Variants in HMCN1 observed in about 807,000 individuals in gnomAD.
The protein encoded by HMCN1 is hemicentin 1.
A neutral mutation model predicts 625.9 loss-of-function variants in HMCN1; 321 were observed. That is an observed-to-expected ratio of 0.51 (90% CI 0.47 to 0.56). HMCN1 has a LOEUF of 0.56. HMCN1 is among the 20% of genes least tolerant of loss of function. The probability of loss-of-function intolerance (pLI) is 0.00; values close to 1 mark genes in which losing one functional copy is unlikely to be tolerated. For synonymous variants in HMCN1, 2,425 were observed against 2,417.6 expected, an observed-to-expected ratio of 1.00 and a Z score of -0.09; for missense variants, 6,588 against 6,887.3, an observed-to-expected ratio of 0.96 and a Z score of 1.54.
At chr1:186,173,191 A>C (rs1652339709) in intron 102 of HMCN1, among the ~76,000 whole-genome samples, 1 of 152,180 alleles carries the variant, frequency 6.6e-6, no homozygotes, top group Non-Finnish European at 1.5e-5. Context: ...TATTAATAAA[A>C]TTATTGTATC....
At position 186,182,102 on chromosome 1, in the gene HMCN1, T is replaced by C. The variant is rs907407541; in HGVS notation, c.16295-66T>C. 5.8e-5 allele frequency: 91 copies of C among 1,582,288 alleles called. No individual in the cohort carries two copies. The African/African-American group carries it at 8.5e-4, about 15-fold the overall frequency. On this transcript the variant is annotated intron_variant, in intron 104 of 106. Coordinates refer to ENST00000271588, the MANE Select transcript of HMCN1 (RefSeq NM_031935.3). ...ATGTATATCAACAACTTGATGAGAG[T>C]TGGCTCTGTCACAGTGTCTGCTTTT...
At chr1:185,801,690 G>T (rs923055242) in intron 1 of HMCN1, among the ~76,000 whole-genome samples, 2 of 152,186 alleles carry the variant, frequency 1.3e-5, no homozygotes, top group Non-Finnish European at 2.9e-5. Flanking sequence ...CAGTTCATAA[G>T]AGGAAAGGTA....
intron 81 of HMCN1, 90 bp from the exon 82 acceptor site, chr1:186,125,514 A>C: frequency 1.0e-6 from 1 of 995,512 alleles, no homozygotes; most frequent in Non-Finnish European, 1.6e-6. Flanking sequence ...AATTACCCTG[A>C]AAAGAGTTTT....
At chr1:185,939,335 A>G (rs1667971889) in intron 11 of HMCN1, among the ~76,000 whole-genome samples, 1 of 152,220 alleles carries the variant, frequency 6.6e-6, no homozygotes. Context: ...GACACAGGAA[A>G]TTCCCCAGGA....
At chr1:185,981,201 C>T (rs946119284) in intron 17 of HMCN1, 128 bp downstream of exon 17, 1 of 681,654 alleles carries the variant, frequency 1.5e-6, no homozygotes, top group South Asian at 1.5e-5. Context: ...GACCAGCCTT[C>T]CCTTCCCTGC....
At chr1:186,054,094 G>A in intron 44 of HMCN1, 108 bp downstream of exon 44, 1 of 1,074,550 alleles carries the variant, frequency 9.3e-7, no homozygotes, top group Non-Finnish European at 1.4e-6. Flanking sequence ...TGGTATGGTT[G>A]TAACTATCAT....
intron 1 of HMCN1, among the ~76,000 whole-genome samples, chr1:185,755,002 A>T (rs1439504956): frequency 6.6e-6 from 1 of 152,210 alleles, no homozygotes; most frequent in Non-Finnish European, 1.5e-5. Flanking sequence ...AAATGTGGAT[A>T]ATTATAGTAC....
chr1:186,050,857 C>T lies in HMCN1; in HGVS notation c.6577+2018C>T, dbSNP rs183100577. On this transcript the variant is annotated intron_variant, in intron 42 of 106. Transcript: ENST00000271588. ...GTGAGAAAGACAATGATGTTGTTCT[C>T]ACGGAACTTATAGTTGGCTGGTGGA... Among the ~76,000 whole-genome samples the T allele has an allele frequency of 1.9e-3, 296 of 152,178 alleles. 11 individuals carry two copies. In the South Asian group the frequency reaches 0.038, roughly 20 times the overall value.
At chr1:185,802,736 G>A (rs1658883431) in intron 1 of HMCN1, among the ~76,000 whole-genome samples, 1 of 152,118 alleles carries the variant, frequency 6.6e-6, no homozygotes, top group African/African-American at 2.4e-5. Context: ...GATTGTTTTG[G>A]TGATGTGTCG....
At chr1:186,109,662 G>T (rs1318022295) in intron 71 of HMCN1, among the ~76,000 whole-genome samples, 4 of 152,170 alleles carry the variant, frequency 2.6e-5, no homozygotes, top group African/African-American at 4.8e-5. Context: ...AGTTTTAAAG[G>T]ATCAGTATAT....
chr1:186,123,667 G>T lies in HMCN1; in HGVS notation c.12499+447G>T, dbSNP rs1276885104. 1.3e-5 allele frequency among the ~76,000 whole-genome samples: 2 copies of T among 152,046 alleles called. 1 individual carries two copies. Among genetic ancestry groups the T allele is most frequent in the South Asian group, 4.1e-4 (2 of 4,828 alleles). ...ATATTAAAGTGGCAAAATATTACAT[G>T]TATATTTTTATAACAGAAAAATATC... On this transcript the variant is annotated intron_variant, in intron 81 of 106. Transcript: ENST00000271588.
chr1:185,946,078 G>T (rs1397884703), intron 11 of HMCN1, among the ~76,000 whole-genome samples: 7 of 152,200 alleles, frequency 4.6e-5, no homozygotes, highest in African/African-American at 1.7e-4. Context: ...GAAGGAAGAA[G>T]TGTGGGAGTC....
chr1:186,008,351 G>A (rs1171813661), intron 30 of HMCN1, among the ~76,000 whole-genome samples: 1 of 151,952 alleles, frequency 6.6e-6, no homozygotes, highest in African/African-American at 2.4e-5. Context: ...CTACACACCA[G>A]ATATCAAAAG....
chr1:186,069,826 C>G, intron 51 of HMCN1, 50 bp downstream of exon 51: 1 of 1,184,142 alleles, frequency 8.4e-7, no homozygotes, highest in Non-Finnish European at 1.3e-6. Flanking sequence ...ATTTTTCTAA[C>G]TTTTTCAATC....
At chr1:185,888,616 T>A (rs1290814977) in intron 4 of HMCN1, among the ~76,000 whole-genome samples, 5 of 147,188 alleles carry the variant, frequency 3.4e-5, no homozygotes, top group African/African-American at 1.4e-4. Context: ...ATCAGATAGT[T>A]GTAGATATGC....
chr1:186,160,529 A>G (rs1252943979), intron 97 of HMCN1, among the ~76,000 whole-genome samples: 2 of 150,990 alleles, frequency 1.3e-5, no homozygotes, highest in East Asian at 3.9e-4. Context: ...TCAATTTTGG[A>G]TCTTTCCTGC....
At chr1:185,918,861 A>G (rs777621742) in intron 6 of HMCN1, among the ~76,000 whole-genome samples, 4 of 152,132 alleles carry the variant, frequency 2.6e-5, no homozygotes, top group Non-Finnish European at 5.9e-5. Context: ...CTGAGACTGA[A>G]TGCTGCTGCT....
chr1:186,020,954 T>G (rs1324607659), intron 35 of HMCN1, among the ~76,000 whole-genome samples: 1 of 151,724 alleles, frequency 6.6e-6, no homozygotes, highest in Non-Finnish European at 1.5e-5. Flanking sequence ...CTTTGAAGAG[T>G]TTTAAGAGAG....
chr1:185,981,157 T>TAA, intron 17 of HMCN1, 84 bp downstream of exon 17: 1 of 836,676 alleles, frequency 1.2e-6, no homozygotes, highest in Non-Finnish European at 2.1e-6. Flanking sequence ...CTGTGCCACT[T>TAA]AAAAAAAAAC....
Sources: allele counts gnomAD v4.1 joint callset (sites outside exome capture counted in the v4.1 genomes callset), GRCh38; gene constraint gnomAD v4.1.1; transcripts MANE v1.5; gene names NCBI Gene and HGNC (gene_info 2026-07-23, HGNC 2026-07-21).